The following TTLL13 variants were observed in gnomAD, a reference collection of about 807,000 sequenced individuals.
The protein encoded by TTLL13 is tubulin polyglutamylase TTLL13.
chr15:90,264,733 C>G, the TTLL13 span: 26 of 1,535,916 alleles, frequency 1.7e-5, no homozygotes, highest in African/African-American at 1.5e-4. Context: ...GACAAGCCAG[C>G]AGAAGGCTAG....
the TTLL13 span, among the ~76,000 whole-genome samples, chr15:90,250,455 C>T: frequency 2.0e-5 from 3 of 152,206 alleles, no homozygotes. Flanking sequence ...CTCCACCTAC[C>T]TGGACACATC....
At chr15:90,250,474 C>T in the TTLL13 span, 1 of 828,562 alleles carries the variant, frequency 1.2e-6, no homozygotes, top group South Asian at 1.8e-5. Context: ...TCCCATTCCT[C>T]AGTGAAACAG....
chr15:90,257,208 G>A, the TTLL13 span: 12 of 1,613,452 alleles, frequency 7.4e-6, no homozygotes, highest in Middle Eastern at 1.6e-4. Context: ...GACCCTCTCC[G>A]GATCTTCACA....
chr15:90,254,162 C>T, the TTLL13 span, among the ~76,000 whole-genome samples: 1 of 149,644 alleles, frequency 6.7e-6, no homozygotes, highest in Non-Finnish European at 1.5e-5. Flanking sequence ...CACTACACTC[C>T]AGCCTGTGTG....
chr15:90,262,105 C>G, the TTLL13 span: 5 of 1,536,094 alleles, frequency 3.3e-6, no homozygotes, highest in Non-Finnish European at 4.4e-6. Context: ...CTGGGCCTGA[C>G]ACAGAGAAGT....
the TTLL13 span, chr15:90,258,637 A>C: frequency 1.0e-6 from 1 of 970,950 alleles, no homozygotes; most frequent in Non-Finnish European, 1.6e-6. Context: ...TCCCCGGCTG[A>C]GGCCATGGGA....
the TTLL13 span, chr15:90,253,146 C>A: frequency 2.6e-6 from 2 of 762,846 alleles, no homozygotes; most frequent in Non-Finnish European, 2.1e-6. Context: ...CCCTCTTCAA[C>A]CTGCCCTCGG....
At chr15:90,253,790 T>A in the TTLL13 span, among the ~76,000 whole-genome samples, 91 of 152,302 alleles carry the variant, frequency 6.0e-4, no homozygotes, top group African/African-American at 2.1e-3. Context: ...TGGCAAGAAA[T>A]TCAGGAATGA....
At chr15:90,257,251 G>A in the TTLL13 span, 7 of 1,613,598 alleles carry the variant, frequency 4.3e-6, no homozygotes, top group Middle Eastern at 3.3e-4. Flanking sequence ...TTGCCACCAC[G>A]CCCTATATGG....
chr15:90,254,225 T>C, the TTLL13 span, among the ~76,000 whole-genome samples: 1 of 144,506 alleles, frequency 6.9e-6, no homozygotes, highest in East Asian at 2.0e-4. Context: ...CTGGGCACAG[T>C]GGCTCACGCC....
chr15:90,256,166 C>T, the TTLL13 span: 72 of 1,614,014 alleles, frequency 4.5e-5, 1 homozygote, highest in South Asian at 7.4e-4. Flanking sequence ...GTCCTACGGT[C>T]GTCAGCGAAA....
At chr15:90,252,217 TTA>T in the TTLL13 span, among the ~76,000 whole-genome samples, 13 of 152,086 alleles carry the variant, frequency 8.5e-5, no homozygotes, top group Non-Finnish European at 1.5e-5. Context: ...TTTTGTACTT[TTA>T]GTAGACAGAG....
chr15:90,255,835 C>T, the TTLL13 span: 1 of 1,614,220 alleles, frequency 6.2e-7, no homozygotes, highest in African/African-American at 1.3e-5. Flanking sequence ...TGTACAAACT[C>T]TATCCCTCTG....
chr15:90,253,441 C>T, the TTLL13 span: 4 of 1,053,114 alleles, frequency 3.8e-6, no homozygotes, highest in Non-Finnish European at 5.6e-6. Flanking sequence ...CTTGCCCAGG[C>T]ACCCAAGACT....
At chr15:90,261,110 ACT>A in the TTLL13 span, among the ~76,000 whole-genome samples, 2 of 139,596 alleles carry the variant, frequency 1.4e-5, no homozygotes, top group African/African-American at 5.4e-5. Context: ...GACTAGTCTC[ACT>A]CTGTCATCTA....
chr15:90,262,856 G>C, the TTLL13 span: 1 of 1,310,216 alleles, frequency 7.6e-7, no homozygotes, highest in African/African-American at 1.5e-5. Flanking sequence ...AACCTTCCTG[G>C]GTCAGGGAAG....
chr15:90,253,474 T>G, the TTLL13 span: 1 of 651,328 alleles, frequency 1.5e-6, no homozygotes, highest in East Asian at 2.9e-5. Flanking sequence ...GGCTGTCCCC[T>G]TGTGCAGACA....
the TTLL13 span, among the ~76,000 whole-genome samples, chr15:90,253,606 T>C: frequency 6.6e-6 from 1 of 152,164 alleles, no homozygotes; most frequent in East Asian, 1.9e-4. Context: ...ATTTGCACTT[T>C]GCTTGGTGGC....
the TTLL13 span, chr15:90,261,971 C>T: frequency 2.7e-6 from 4 of 1,495,354 alleles, no homozygotes; most frequent in Non-Finnish European, 2.7e-6. Context: ...ATTCCCACAG[C>T]CCTACTCTTG....
Sources: allele counts gnomAD v4.1 joint callset (sites outside exome capture counted in the v4.1 genomes callset), GRCh38; gene constraint gnomAD v4.1.1; transcripts MANE v1.5; gene names NCBI Gene and HGNC (gene_info 2026-07-23, HGNC 2026-07-21).